MAGI2: variants seen among roughly 807,000 people sequenced by gnomAD.
The protein encoded by MAGI2 is membrane-associated guanylate kinase, WW and PDZ domain-containing protein 2.
A neutral mutation model predicts 133.3 loss-of-function variants in MAGI2; 35 were observed. The ratio of observed to expected loss-of-function variants is 0.26; its 90% CI spans 0.20 to 0.35. MAGI2 has a LOEUF of 0.35. Among genes scored for constraint, MAGI2 ranks in the 10% least tolerant of loss-of-function variants. MAGI2 has a pLI of 1.00. For synonymous variants in MAGI2, 729 were observed against 710.6 expected, an observed-to-expected ratio of 1.03 and a Z score of -0.41; for missense variants, 1,636 against 1,863.4, an observed-to-expected ratio of 0.88 and a Z score of 2.25.
chr7:78,658,450 A>G (rs1359351937), intron 2 of MAGI2, among the ~76,000 whole-genome samples: 1 of 152,210 alleles, frequency 6.6e-6, no homozygotes, highest in Non-Finnish European at 1.5e-5. Flanking sequence ...AGCACAACCC[A>G]TAGAAGGGAA....
At chr7:78,881,780 C>T (rs888979162) in intron 2 of MAGI2, among the ~76,000 whole-genome samples, 10 of 151,622 alleles carry the variant, frequency 6.6e-5, no homozygotes, top group African/African-American at 1.2e-4. Flanking sequence ...TATATCAAAA[C>T]GTGTGAGATG....
chr7:78,942,975 AT>A, intron 2 of MAGI2, among the ~76,000 whole-genome samples: 1 of 152,144 alleles, frequency 6.6e-6, no homozygotes, highest in South Asian at 2.1e-4. Context: ...CTATTGTGCC[AT>A]TTCCTCAATA....
At chr7:78,714,497 C>T (rs1819515128) in intron 2 of MAGI2, among the ~76,000 whole-genome samples, 5 of 152,158 alleles carry the variant, frequency 3.3e-5, no homozygotes, top group Admixed American at 3.3e-4. Flanking sequence ...GATTCCTATT[C>T]ACTTAAGCTC....
chr7:78,284,665 G>A (rs1795970064), intron 9 of MAGI2, among the ~76,000 whole-genome samples: 2 of 151,992 alleles, frequency 1.3e-5, no homozygotes. Context: ...ACCAGCTCAG[G>A]ACATGAATTC....
At chr7:78,555,297 C>A (rs1488962906) in intron 3 of MAGI2, among the ~76,000 whole-genome samples, 2 of 151,984 alleles carry the variant, frequency 1.3e-5, no homozygotes, top group African/African-American at 4.8e-5. Context: ...GCTTCCATGT[C>A]ACATAAAACT....
intron 2 of MAGI2, among the ~76,000 whole-genome samples, chr7:78,810,708 T>C (rs1363785483): frequency 1.3e-5 from 2 of 152,238 alleles, no homozygotes; most frequent in East Asian, 3.9e-4. Flanking sequence ...AATACAATTT[T>C]AGTCCTGGCT....
intron 1 of MAGI2, among the ~76,000 whole-genome samples, chr7:79,057,164 T>C (rs1458602489): frequency 6.6e-6 from 1 of 152,184 alleles, no homozygotes; most frequent in Non-Finnish European, 1.5e-5. Context: ...TAAAGACTAT[T>C]TGGATTTTAT....
chr7:78,602,525 G>C (rs1245642006), intron 3 of MAGI2, among the ~76,000 whole-genome samples: 1 of 151,560 alleles, frequency 6.6e-6, no homozygotes, highest in Non-Finnish European at 1.5e-5. Context: ...CCAATTCCTT[G>C]AGAATATTTG....
chr7:79,066,285 G>GTTT (rs538535344), intron 1 of MAGI2, among the ~76,000 whole-genome samples: 10 of 127,482 alleles, frequency 7.8e-5, no homozygotes, highest in African/African-American at 2.2e-4. Context: ...TCAGTGTGGT[G>GTTT]TTTTTTTTTT....
intron 2 of MAGI2, among the ~76,000 whole-genome samples, chr7:78,629,145 T>A (rs1173431194): frequency 1.3e-5 from 2 of 152,138 alleles, no homozygotes; most frequent in African/African-American, 4.8e-5. Context: ...GTTGTGCTCT[T>A]CTTGGGAGGC....
chr7:78,090,593 T>C (rs1430376948), intron 20 of MAGI2, among the ~76,000 whole-genome samples: 1 of 152,218 alleles, frequency 6.6e-6, no homozygotes, highest in Non-Finnish European at 1.5e-5. Context: ...CTTAAATGAA[T>C]AAGTAAATGC....
chr7:79,304,195 GTGTGTGTC>G lies in MAGI2; in HGVS notation c.301+148817_301+148824del, dbSNP rs1415728095. On this transcript the variant is annotated intron_variant, in intron 1 of 21. Transcript: ENST00000354212. The stretch of plus-strand genomic sequence containing the variant: ...TTTCAACTGGGATGTGTGTGTGTGT[GTGTGTGTC>G]TGTGTGTGTGTGTGTGTGTGTGTGT... Among the ~76,000 whole-genome samples the G allele has an allele frequency of 2.9e-5, 3 of 105,194 alleles. No individual in the cohort carries two copies. In the East Asian group the frequency reaches 1.2e-3, roughly 41 times the overall value. The allele number at this position is 105,194 out of a possible 152,430, so 69.0% of individuals were successfully genotyped here.
At chr7:79,161,306 G>A (rs1413353709) in intron 1 of MAGI2, among the ~76,000 whole-genome samples, 2 of 151,994 alleles carry the variant, frequency 1.3e-5, no homozygotes, top group Non-Finnish European at 2.9e-5. Flanking sequence ...ACAAAGTATA[G>A]GGTAAAAGCT....
intron 6 of MAGI2, among the ~76,000 whole-genome samples, chr7:78,467,593 A>C (rs900951763): frequency 1.3e-5 from 2 of 151,804 alleles, no homozygotes; most frequent in African/African-American, 4.8e-5. Context: ...AACATAGATA[A>C]GAAAGAGTTG....
At chr7:78,854,538 T>C (rs1793456107) in intron 2 of MAGI2, among the ~76,000 whole-genome samples, 1 of 152,166 alleles carries the variant, frequency 6.6e-6, no homozygotes, top group South Asian at 2.1e-4. Flanking sequence ...GTAGAAAATG[T>C]TGAGTGTTGA....
intron 4 of MAGI2, among the ~76,000 whole-genome samples, chr7:78,503,130 A>C (rs927843080): frequency 6.6e-6 from 1 of 152,178 alleles, no homozygotes; most frequent in Non-Finnish European, 1.5e-5. Context: ...GGTAACATCT[A>C]TAGTAACTTG....
At chr7:79,244,495 C>T (rs1261121137) in intron 1 of MAGI2, among the ~76,000 whole-genome samples, 1 of 152,140 alleles carries the variant, frequency 6.6e-6, no homozygotes, top group African/African-American at 2.4e-5. Context: ...GAACTTAGTG[C>T]TGATTTGTTA....
At chr7:78,958,390 C>T (rs925303972) in intron 2 of MAGI2, among the ~76,000 whole-genome samples, 1 of 152,092 alleles carries the variant, frequency 6.6e-6, no homozygotes, top group African/African-American at 2.4e-5. Flanking sequence ...TAAGACTCCC[C>T]AGATGTGTGT....
At chr7:79,294,054 G>T (rs567523937) in intron 1 of MAGI2, among the ~76,000 whole-genome samples, 1 of 151,870 alleles carries the variant, frequency 6.6e-6, no homozygotes, top group South Asian at 2.1e-4. Flanking sequence ...GTGCTGGCGT[G>T]AGTCTGTAAT....
Sources: gnomAD v4.1 joint callset for allele counts (sites outside exome capture counted in the v4.1 genomes callset) on GRCh38, gnomAD v4.1.1 for gene constraint, MANE v1.5 for transcripts, NCBI Gene and HGNC (gene_info 2026-07-23, HGNC 2026-07-21) for gene names.